ZEB1: variants seen among roughly 807,000 people sequenced by gnomAD.
ZEB1 encodes zinc finger E-box binding homeobox 1.
ZEB1 carries 21 observed loss-of-function variants against 84.9 expected under a neutral mutation model. That is an observed-to-expected ratio of 0.25 (90% CI 0.18 to 0.36). The LOEUF (loss-of-function observed/expected upper bound fraction) is 0.36, where lower values mean the gene tolerates loss of function less well. Ranked by LOEUF, ZEB1 falls within the 10% of genes least tolerant of loss-of-function variation. The pLI is 1.00. For missense variants in ZEB1, 1,104 were observed against 1,330.2 expected, an observed-to-expected ratio of 0.83 and a Z score of 2.65; for synonymous variants, 420 against 471.1, an observed-to-expected ratio of 0.89 and a Z score of 1.41.
intron 6 of ZEB1, among the ~76,000 whole-genome samples, chr10:31,519,076 C>T (rs1222394876): frequency 6.6e-6 from 1 of 152,130 alleles, no homozygotes; most frequent in Admixed American, 6.6e-5. Context: ...CATCATTCAA[C>T]AATTAGCCAT....
At chr10:31,467,770 G>T (rs554641613) in intron 2 of ZEB1, among the ~76,000 whole-genome samples, 2 of 152,076 alleles carry the variant, frequency 1.3e-5, no homozygotes, top group African/African-American at 4.8e-5. Context: ...TGTGGTGTGG[G>T]TTTTTCAGGT....
intron 1 of ZEB1, among the ~76,000 whole-genome samples, chr10:31,415,534 T>A (rs1054328067): frequency 2.4e-4 from 37 of 151,628 alleles, no homozygotes; most frequent in East Asian, 5.8e-4. Context: ...AATTATAATT[T>A]AAAAAAAAAT....
intron 1 of ZEB1, among the ~76,000 whole-genome samples, chr10:31,398,643 A>T (rs1482145444): frequency 6.6e-6 from 1 of 151,830 alleles, no homozygotes; most frequent in African/African-American, 2.4e-5. Context: ...AGTTCCTATA[A>T]CCCCTGCCAT....
intron 4 of ZEB1, 143 bp from the exon 5 acceptor site, chr10:31,510,530 A>T: frequency 1.5e-6 from 1 of 680,486 alleles, no homozygotes; most frequent in Non-Finnish European, 2.5e-6. Flanking sequence ...TATAAAATAG[A>T]GATGAGTATC....
At chr10:31,321,498 C>A in intron 1 of ZEB1, 1 of 1,613,994 alleles carries the variant, frequency 6.2e-7, no homozygotes, top group Non-Finnish European at 8.5e-7. Context: ...CCATATTGAG[C>A]TGTTGCCGCT....
chr10:31,319,500 C>T, intron 1 of ZEB1: 3 of 598,774 alleles, frequency 5.0e-6, no homozygotes, highest in Non-Finnish European at 5.9e-6. Flanking sequence ...CTCCCTGAAC[C>T]GTTATGTCTC....
At chr10:31,363,115 G>A (rs2043669554) in intron 1 of ZEB1, 1 of 1,533,838 alleles carries the variant, frequency 6.5e-7, no homozygotes, top group African/African-American at 1.4e-5. Context: ...GGGTGGAGAA[G>A]ACCTACTTGA....
chr10:31,371,932 A>G (rs1411756640), intron 1 of ZEB1, among the ~76,000 whole-genome samples: 2 of 152,146 alleles, frequency 1.3e-5, no homozygotes, highest in Non-Finnish European at 2.9e-5. Flanking sequence ...ATTCTCTTAT[A>G]TAATGCCTTG....
At chr10:31,337,856 G>A (rs1290418314) in intron 1 of ZEB1, among the ~76,000 whole-genome samples, 2 of 151,720 alleles carry the variant, frequency 1.3e-5, no homozygotes, top group African/African-American at 4.8e-5. Flanking sequence ...GCTAATTTGT[G>A]TATTTTTAGT....
chr10:31,415,467 G>T (rs542068921), intron 1 of ZEB1, among the ~76,000 whole-genome samples: 2 of 151,860 alleles, frequency 1.3e-5, no homozygotes, highest in African/African-American at 2.4e-5. Context: ...AAGTCTTTTC[G>T]ACCATGTTCG....
At chr10:31,448,210 C>T (rs1419850108) in intron 1 of ZEB1, among the ~76,000 whole-genome samples, 1 of 135,560 alleles carries the variant, frequency 7.4e-6, no homozygotes. Context: ...CGCATTGGCT[C>T]CTGAGGCTTC....
chr10:31,335,568 T>C (rs1408567711), intron 1 of ZEB1, among the ~76,000 whole-genome samples: 4 of 152,220 alleles, frequency 2.6e-5, no homozygotes, highest in African/African-American at 9.6e-5. Flanking sequence ...TAGATCCATC[T>C]GTGATAAAAC....
At chr10:31,319,185 G>C, upstream of ZEB1, 1 of 1,330,752 alleles carries the variant, frequency 7.5e-7, no homozygotes, top group Non-Finnish European at 1.0e-6. Context: ...GGGGAAGGGG[G>C]AGGGAGGGGG....
At chr10:31,517,776 C>A (rs892407993) in intron 6 of ZEB1, among the ~76,000 whole-genome samples, 2 of 152,096 alleles carry the variant, frequency 1.3e-5, no homozygotes, top group African/African-American at 4.8e-5. Context: ...TGATAACTAG[C>A]ACTTATTGGA....
chr10:31,373,570 C>A (rs2046093743), intron 1 of ZEB1, among the ~76,000 whole-genome samples: 1 of 151,758 alleles, frequency 6.6e-6, no homozygotes, highest in African/African-American at 2.4e-5. Flanking sequence ...TTAAAATAGA[C>A]ATGCATTTTG....
chr10:31,430,352 T>TA (rs1398936032), intron 1 of ZEB1, among the ~76,000 whole-genome samples: 1 of 152,150 alleles, frequency 6.6e-6, no homozygotes, highest in Middle Eastern at 3.2e-3. Flanking sequence ...ATTCAGTCCT[T>TA]AAAAAATCTT....
At chr10:31,440,944 A>G (rs553724216) in intron 1 of ZEB1, among the ~76,000 whole-genome samples, 4 of 152,150 alleles carry the variant, frequency 2.6e-5, no homozygotes, top group Non-Finnish European at 5.9e-5. Flanking sequence ...ATGCTCATGG[A>G]TAGGAAGAAT....
intron 1 of ZEB1, among the ~76,000 whole-genome samples, chr10:31,362,137 C>T (rs1483703717): frequency 6.6e-6 from 1 of 151,296 alleles, no homozygotes; most frequent in East Asian, 2.0e-4. Flanking sequence ...GGGGCAGAGG[C>T]GCTCCTTGTT....
At chr10:31,427,789 G>A (rs1411445934) in intron 1 of ZEB1, among the ~76,000 whole-genome samples, 1 of 151,516 alleles carries the variant, frequency 6.6e-6, no homozygotes, top group East Asian at 1.9e-4. Context: ...AACCCAGGAG[G>A]TGGAGCTTGC....
Sources: gnomAD v4.1 joint callset for allele counts (sites outside exome capture counted in the v4.1 genomes callset) on GRCh38, gnomAD v4.1.1 for gene constraint, MANE v1.5 for transcripts, NCBI Gene and HGNC (gene_info 2026-07-23, HGNC 2026-07-21) for gene names.